The following ZNF469 variants were observed in gnomAD, a reference collection of about 807,000 sequenced individuals.
ZNF469 encodes the protein zinc finger protein 469.
ZNF469 carries 1 observed loss-of-function variant against 1.0 expected under a neutral mutation model. The ratio of observed to expected loss-of-function variants is 1.00; its 90% CI spans 0.35 to 4.73. ZNF469 has a LOEUF of 4.73. Among genes scored for constraint, ZNF469 ranks in the 30% most tolerant of loss-of-function variants. The pLI, the probability that ZNF469 is intolerant of heterozygous loss-of-function variation, is 0.16. For missense variants in ZNF469, 6,100 were observed against 5,356.3 expected (o/e 1.14, Z -4.33); for synonymous variants, 2,703 against 2,363.4 (o/e 1.14, Z -4.17).
At chr16:88,227,037 C>T in the ZNF469 span, among the ~76,000 whole-genome samples, 1 of 147,500 alleles carries the variant, frequency 6.8e-6, no homozygotes, top group African/African-American at 2.5e-5. Context: ...CGTTTCCACC[C>T]GTGCCTCCTC....
At chr16:88,217,557 CATTAGGTAT>C in the ZNF469 span, among the ~76,000 whole-genome samples, 1 of 142,266 alleles carries the variant, frequency 7.0e-6, no homozygotes, top group Non-Finnish European at 1.5e-5. Context: ...CGTCATCTAG[CATTAGGTAT>C]ATCTCCCAAT....
At position 88,432,748 on chromosome 16, in the gene ZNF469, G is replaced by A. The variant is rs1253491420; in HGVS notation, c.5278G>A (p.Glu1760Lys). Residue 1760 changes from glutamate (E) to lysine (K), a missense_variant, in exon 3 of 3, where the codon GAA becomes AAA. Physicochemically the swap from Glu to Lys is moderately conservative, Grantham distance 56. Coordinates refer to ENST00000565624, the MANE Select transcript of ZNF469 (RefSeq NM_001367624.2). ...GAATAAGGAGGCCGCCAGCTCACAAGAAAGTGAAGACTCCCTGCGGCTGCT... is the reference window on the plus strand; with the variant it reads ...GAATAAGGAGGCCGCCAGCTCACAAAAAAGTGAAGACTCCCTGCGGCTGCT... ...PKNKEAASSQ[E>K]SEDSLRLLPC... is the part of the protein sequence containing the mutation. The A allele has an allele frequency of 5.8e-6, 9 of 1,550,322 alleles. No homozygotes were observed. In the East Asian group the frequency reaches 2.2e-4, roughly 38 times the overall value.
At chr16:88,119,683 G>A in the ZNF469 span, among the ~76,000 whole-genome samples, 15,713 of 152,192 alleles carry the variant, frequency 0.1, 959 homozygotes, top group East Asian at 0.25. Context: ...GATGCTGGCC[G>A]GCCCAGCTCT....
the ZNF469 span, among the ~76,000 whole-genome samples, chr16:88,361,841 T>G: frequency 3.3e-5 from 5 of 152,230 alleles, no homozygotes. Flanking sequence ...GGTTTAGCCT[T>G]TAGGTCTGTG....
the ZNF469 span, among the ~76,000 whole-genome samples, chr16:88,279,147 CACTT>C: frequency 5.3e-4 from 35 of 65,944 alleles, 1 homozygote; most frequent in Non-Finnish European, 8.0e-4. Flanking sequence ...ACCACGCCGA[CACTT>C]GGTCAGTACC....
At chr16:88,124,092 C>T in the ZNF469 span, among the ~76,000 whole-genome samples, 29 of 152,194 alleles carry the variant, frequency 1.9e-4, no homozygotes, top group South Asian at 4.2e-3. Flanking sequence ...CATGAGCCAA[C>T]GCACCCAGCC....
At chr16:88,201,912 G>A in the ZNF469 span, among the ~76,000 whole-genome samples, 7 of 152,198 alleles carry the variant, frequency 4.6e-5, no homozygotes, top group Admixed American at 6.5e-5. The surrounding 1 kb of genome is among the most constrained non-coding windows in gnomAD (Gnocchi z 5.0). Flanking sequence ...GGTGGGGGCC[G>A]TGGTGTCTCT....
the ZNF469 span, among the ~76,000 whole-genome samples, chr16:88,265,190 C>T: frequency 3.9e-4 from 60 of 152,320 alleles, no homozygotes; most frequent in African/African-American, 1.4e-3. Context: ...CCCACTGTCT[C>T]GTGTGAGTGA....
chr16:88,137,403 A>G, the ZNF469 span, among the ~76,000 whole-genome samples: 2 of 152,154 alleles, frequency 1.3e-5, no homozygotes, highest in Non-Finnish European at 2.9e-5. Flanking sequence ...GTGTACATAC[A>G]ACCAAGTGTG....
chr16:88,305,259 C>T, the ZNF469 span, among the ~76,000 whole-genome samples: 2 of 150,474 alleles, frequency 1.3e-5, no homozygotes, highest in African/African-American at 2.4e-5. Context: ...CACACGCATG[C>T]ACACCCTCAC....
At chr16:88,211,693 C>A in the ZNF469 span, among the ~76,000 whole-genome samples, 17 of 152,286 alleles carry the variant, frequency 1.1e-4, no homozygotes, top group Non-Finnish European at 1.5e-5. Context: ...ACTGTGGGCT[C>A]TGTCTGTTTT....
chr16:88,330,574 C>T, the ZNF469 span, among the ~76,000 whole-genome samples: 13 of 152,214 alleles, frequency 8.5e-5, no homozygotes, highest in African/African-American at 1.2e-4. Context: ...CTGTGGCCTC[C>T]GCTTCATGGA....
the ZNF469 span, among the ~76,000 whole-genome samples, chr16:88,274,025 G>A: frequency 4.6e-5 from 7 of 152,106 alleles, no homozygotes; most frequent in Admixed American, 1.3e-4. Flanking sequence ...TGATGGTCTC[G>A]ATCTCCTGAC....
At chr16:88,213,461 G>C in the ZNF469 span, among the ~76,000 whole-genome samples, 1 of 152,134 alleles carries the variant, frequency 6.6e-6, no homozygotes, top group Non-Finnish European at 1.5e-5. Context: ...TGCACTTAAT[G>C]GACAGGGTTG....
the ZNF469 span, chr16:88,194,303 G>A: frequency 6.6e-5 from 10 of 152,254 alleles, no homozygotes; most frequent in African/African-American, 2.4e-4. Context: ...GTCGGAGCAG[G>A]GAGGGACCTG....
chr16:88,359,720 T>G, the ZNF469 span, among the ~76,000 whole-genome samples: 16,475 of 152,250 alleles, frequency 0.11, 940 homozygotes, highest in Middle Eastern at 0.19. Flanking sequence ...ATATATTCTT[T>G]TACTCTGGGG....
the ZNF469 span, among the ~76,000 whole-genome samples, chr16:88,249,706 G>A: frequency 6.6e-6 from 1 of 152,136 alleles, no homozygotes; most frequent in Non-Finnish European, 1.5e-5. Context: ...AAAGCGCTGG[G>A]ATTACAGGCG....
the ZNF469 span, among the ~76,000 whole-genome samples, chr16:88,332,222 A>G: frequency 4.6e-5 from 7 of 152,274 alleles, no homozygotes; most frequent in African/African-American, 1.7e-4. Context: ...AAAATGACTC[A>G]TAGGAAATCA....
At chr16:88,174,956 G>T in the ZNF469 span, among the ~76,000 whole-genome samples, 1 of 116,320 alleles carries the variant, frequency 8.6e-6, no homozygotes. Context: ...GTGTGTGTGT[G>T]TGTGTAAATG....
Sources: allele counts gnomAD v4.1 joint callset (sites outside exome capture counted in the v4.1 genomes callset), GRCh38; gene constraint gnomAD v4.1.1; non-coding constraint Gnocchi (gnomAD v3.1); transcripts MANE v1.5; gene names NCBI Gene and HGNC (gene_info 2026-07-23, HGNC 2026-07-21).